Variants in DTNA observed in about 807,000 individuals in gnomAD.
The protein encoded by DTNA is dystrophin-related protein 3.
A neutral mutation model predicts 100.7 loss-of-function variants in DTNA; 43 were observed. That is an observed-to-expected ratio of 0.43 (90% CI 0.33 to 0.55). The LOEUF (loss-of-function observed/expected upper bound fraction) is 0.55, where lower values mean the gene tolerates loss of function less well. Among genes scored for constraint, DTNA ranks in the 20% least tolerant of loss-of-function variants. The pLI, the probability that DTNA is intolerant of heterozygous loss-of-function variation, is 0.04. For missense variants in DTNA, 798 were observed against 953.9 expected (o/e 0.84, Z 2.15); for synonymous variants, 349 against 347.9 (o/e 1.00, Z -0.04).
At chr18:34,598,630 G>A (rs539176963) in intron 1 of DTNA, among the ~76,000 whole-genome samples, 37 of 152,168 alleles carry the variant, frequency 2.4e-4, no homozygotes, top group Non-Finnish European at 4.1e-4. Context: ...TTGGGAGGCC[G>A]AGACGGGTGG....
chr18:34,681,724 A>G (rs1006467366), intron 1 of DTNA, among the ~76,000 whole-genome samples: 1 of 149,870 alleles, frequency 6.7e-6, no homozygotes, highest in African/African-American at 2.5e-5. Context: ...ACACACACAC[A>G]CACACACCCC....
chr18:34,666,311 C>A (rs1431573527), intron 1 of DTNA, among the ~76,000 whole-genome samples: 1 of 150,988 alleles, frequency 6.6e-6, no homozygotes, highest in Non-Finnish European at 1.5e-5. Flanking sequence ...TTTATAGATT[C>A]TGGATATTAG....
chr18:34,691,878 A>G (rs551724395), intron 1 of DTNA, among the ~76,000 whole-genome samples: 35 of 152,146 alleles, frequency 2.3e-4, no homozygotes, highest in Non-Finnish European at 4.4e-4. Flanking sequence ...TGCTGTTACC[A>G]TTTCACTAAA....
intron 1 of DTNA, among the ~76,000 whole-genome samples, chr18:34,587,900 G>A (rs9961873): frequency 0.1 from 15,629 of 151,918 alleles, 1,153 homozygotes; most frequent in African/African-American, 0.21. Flanking sequence ...GAAATCCCTC[G>A]GGCCTAGACA....
intron 1 of DTNA, among the ~76,000 whole-genome samples, chr18:34,576,220 A>T (rs2048099584): frequency 6.6e-6 from 1 of 152,144 alleles, no homozygotes; most frequent in Admixed American, 6.5e-5. Flanking sequence ...TGACTATTGC[A>T]TGTCCTGTGT....
At chr18:34,882,968 G>T (rs192367575) in intron 21 of DTNA, among the ~76,000 whole-genome samples, 11 of 152,296 alleles carry the variant, frequency 7.2e-5, no homozygotes, top group Non-Finnish European at 1.2e-4. Context: ...TGGGGGAACT[G>T]CAGGCCTGTG....
intron 3 of DTNA, among the ~76,000 whole-genome samples, chr18:34,780,353 C>T (rs1220294958): frequency 3.3e-5 from 5 of 152,150 alleles, no homozygotes; most frequent in Non-Finnish European, 5.9e-5. Context: ...AGTAGACAGT[C>T]AGTGTCCTAC....
chr18:34,723,395 T>C (rs906268184), intron 1 of DTNA, among the ~76,000 whole-genome samples: 5 of 152,172 alleles, frequency 3.3e-5, no homozygotes, highest in African/African-American at 1.2e-4. Flanking sequence ...GTATATATTA[T>C]ACATAGACGG....
At chr18:34,626,449 T>TAA (rs200011734) in intron 1 of DTNA, among the ~76,000 whole-genome samples, 13,155 of 147,480 alleles carry the variant, frequency 0.089, 649 homozygotes, top group South Asian at 0.13. Flanking sequence ...GTCCTGAAGT[T>TAA]AAAAAAAAAA....
chr18:34,864,152 G>A, intron 17 of DTNA, 90 bp downstream of exon 17: 1 of 1,164,122 alleles, frequency 8.6e-7, no homozygotes. Context: ...TTTTCCAATT[G>A]CTGTATGTGA....
intron 3 of DTNA, among the ~76,000 whole-genome samples, chr18:34,772,710 T>C (rs2093842121): frequency 6.6e-6 from 1 of 152,238 alleles, no homozygotes; most frequent in African/African-American, 2.4e-5. Context: ...TTTTCTATTC[T>C]TGGTAAAAAA....
intron 3 of DTNA, among the ~76,000 whole-genome samples, chr18:34,778,015 A>G (rs1401551480): frequency 2.6e-5 from 4 of 152,212 alleles, no homozygotes; most frequent in Admixed American, 1.3e-4. Context: ...AAGCCTAGCT[A>G]TTGAACCTAT....
chr18:34,838,897 C>A, intron 13 of DTNA, 60 bp downstream of exon 13: 1 of 1,479,858 alleles, frequency 6.8e-7, no homozygotes, highest in Non-Finnish European at 9.4e-7. Flanking sequence ...GAGCTGGTGA[C>A]AAGCAGTCTC....
chr18:34,743,191 G>A (rs1440319958), intron 1 of DTNA, among the ~76,000 whole-genome samples: 2 of 152,156 alleles, frequency 1.3e-5, no homozygotes, highest in Non-Finnish European at 2.9e-5. Context: ...GTCATAGCCA[G>A]TCAACGCTGG....
intron 1 of DTNA, among the ~76,000 whole-genome samples, chr18:34,565,581 T>A (rs2146307687): frequency 6.6e-6 from 1 of 152,320 alleles, no homozygotes; most frequent in East Asian, 1.9e-4. Context: ...CTCCCTTGCC[T>A]CTTCTAGCTT....
At chr18:34,801,191 A>T (rs2095196438) in intron 4 of DTNA, among the ~76,000 whole-genome samples, 1 of 152,210 alleles carries the variant, frequency 6.6e-6, no homozygotes, top group African/African-American at 2.4e-5. Context: ...AGAAACATTG[A>T]TTTATGAAGC....
intron 3 of DTNA, among the ~76,000 whole-genome samples, chr18:34,773,560 C>T (rs1344459445): frequency 6.6e-6 from 1 of 152,176 alleles, no homozygotes; most frequent in Non-Finnish European, 1.5e-5. Context: ...GTTTTTACTA[C>T]ATATTTTCAT....
intron 1 of DTNA, among the ~76,000 whole-genome samples, chr18:34,525,933 TC>T (rs1188240201): frequency 2.6e-5 from 4 of 152,260 alleles, no homozygotes; most frequent in Admixed American, 1.3e-4. Context: ...GGGGCTCAAG[TC>T]CCCTGTTGCC....
chr18:34,891,481 G>T lies in DTNA; in HGVS notation c.*3747G>T, dbSNP rs1367915360. 6.6e-6 allele frequency: 1 copy of T among 152,176 alleles called. No homozygotes were observed. The highest frequency in any genetic ancestry group is 1.5e-5 in the Non-Finnish European group (1 of 67,996). 9.4% of individuals were successfully genotyped at this position (152,176 alleles called of 1,614,324 possible). A position where few individuals can be genotyped will look rare whatever the true frequency, so the allele number is the denominator to read the frequency against. Reference sequence around the variant, plus strand: ...GAGTCAGTCTGTTGAAAGAAGGAAGGCAGGTACTTGCAGTTTAAAGCAGGA... The same window carrying T: ...GAGTCAGTCTGTTGAAAGAAGGAAGTCAGGTACTTGCAGTTTAAAGCAGGA... On this transcript the variant is annotated 3_prime_UTR_variant, in exon 23 of 23. Transcript: ENST00000444659.
Sources: allele counts gnomAD v4.1 joint callset (sites outside exome capture counted in the v4.1 genomes callset), GRCh38; gene constraint gnomAD v4.1.1; transcripts MANE v1.5; gene names NCBI Gene and HGNC (gene_info 2026-07-23, HGNC 2026-07-21).